SH3PXD2A: variants seen among roughly 807,000 people sequenced by gnomAD.
The protein encoded by SH3PXD2A is SH3 and PX domains 2A, also known as SH3 and PX domain-containing protein 2A.
Under a neutral mutation model 115.2 loss-of-function variants are expected in SH3PXD2A, and 32 were observed. That is an observed-to-expected ratio of 0.28 (90% CI 0.21 to 0.37). SH3PXD2A has a LOEUF of 0.37. Ranked by LOEUF, SH3PXD2A falls within the 10% of genes least tolerant of loss-of-function variation. The probability of loss-of-function intolerance (pLI) is 1.00; values close to 1 mark genes in which losing one functional copy is unlikely to be tolerated. For synonymous variants in SH3PXD2A, 610 were observed against 629.1 expected, an observed-to-expected ratio of 0.97 and a Z score of 0.45; for missense variants, 1,328 against 1,498.7, an observed-to-expected ratio of 0.89 and a Z score of 1.88.
chr10:103,808,909 G>T (rs1236272396), intron 1 of SH3PXD2A, among the ~76,000 whole-genome samples: 1 of 152,184 alleles, frequency 6.6e-6, no homozygotes, highest in African/African-American at 2.4e-5. Context: ...AAATTCACTG[G>T]CTCTGAAATG....
intron 1 of SH3PXD2A, among the ~76,000 whole-genome samples, chr10:103,846,632 C>T (rs188704319): frequency 6.6e-6 from 1 of 152,360 alleles, no homozygotes; most frequent in Non-Finnish European, 1.5e-5. Context: ...GTTATACCTG[C>T]CCTCCGCTCT....
intron 1 of SH3PXD2A, among the ~76,000 whole-genome samples, chr10:103,837,990 T>C (rs1237450287): frequency 2.0e-5 from 3 of 152,082 alleles, no homozygotes; most frequent in Non-Finnish European, 2.9e-5. Flanking sequence ...ACCGGATGCC[T>C]CATGGTGTCT....
At chr10:103,753,245 C>T (rs1416672263) in intron 3 of SH3PXD2A, among the ~76,000 whole-genome samples, 12 of 140,808 alleles carry the variant, frequency 8.5e-5, no homozygotes, top group Admixed American at 7.9e-4. Flanking sequence ...TCTGGGAGGC[C>T]AAGGTGGGCA....
Position 103,661,131 on chromosome 10 carries a change from G to A in SH3PXD2A, c.473-17C>T. 6.2e-7 allele frequency: 1 copy of A among 1,610,738 alleles called. No individual in the cohort carries two copies. Among genetic ancestry groups the A allele is most frequent in the South Asian group, 1.1e-5 (1 of 90,938 alleles). ...CGTCGGCACCTGGCGAGGGCAGAAA[G>A]CACGCGGTGAGCCAGCGGCCAGCCA... On this transcript the variant is annotated splice_polypyrimidine_tract_variant and intron_variant, in intron 7 of 14. Coordinates refer to ENST00000369774, the MANE Select transcript of SH3PXD2A (RefSeq NM_001394015.1).
At chr10:103,842,340 A>G (rs558635702) in intron 1 of SH3PXD2A, among the ~76,000 whole-genome samples, 1 of 152,342 alleles carries the variant, frequency 6.6e-6, no homozygotes, top group South Asian at 2.1e-4. Context: ...TACAATGTGT[A>G]ATAATCAAAT....
At chr10:103,779,748 G>C (rs1053317534) in intron 2 of SH3PXD2A, among the ~76,000 whole-genome samples, 2 of 152,194 alleles carry the variant, frequency 1.3e-5, no homozygotes, top group African/African-American at 2.4e-5. Flanking sequence ...AGAGAAGGAA[G>C]TCTGCCCAGA....
At chr10:103,655,186 C>T (rs1176271103) in intron 8 of SH3PXD2A, among the ~76,000 whole-genome samples, 2 of 152,334 alleles carry the variant, frequency 1.3e-5, no homozygotes, top group South Asian at 2.1e-4. Flanking sequence ...ATGGCTGGGA[C>T]AGGACCTCGT....
intron 1 of SH3PXD2A, among the ~76,000 whole-genome samples, chr10:103,805,433 G>T (rs534891760): frequency 5.3e-5 from 8 of 152,348 alleles, no homozygotes; most frequent in Admixed American, 2.0e-4. Context: ...AGGGCTGCCA[G>T]TACTGATGAA....
intron 10 of SH3PXD2A, among the ~76,000 whole-genome samples, chr10:103,619,358 C>T (rs947881047): frequency 2.0e-5 from 3 of 152,208 alleles, no homozygotes; most frequent in South Asian, 2.1e-4. Flanking sequence ...CGCCAGGCTC[C>T]GGGAATCCAG....
At position 103,665,132 on chromosome 10, in the gene SH3PXD2A, A is replaced by G. The variant is rs1176632569; in HGVS notation, c.472+3476T>C. ...TCATTGGTTTGTGGTGTCAATATGA[A>G]TACCTTGACTCTGATATGGGAATAT... On this transcript the variant is annotated intron_variant, in intron 7 of 14. Transcript: ENST00000369774. This position sits in a 1 kb window ranked among gnomAD's most constrained non-coding sequence, Gnocchi z 4.0. Among the ~76,000 whole-genome samples, 2 of 152,210 alleles carry G rather than the reference A, an allele frequency of 1.3e-5. No homozygotes were observed. Among genetic ancestry groups the G allele is most frequent in the African/African-American group, 4.8e-5 (2 of 41,454 alleles).
intron 1 of SH3PXD2A, among the ~76,000 whole-genome samples, chr10:103,821,135 G>A (rs1440474329): frequency 3.5e-5 from 5 of 142,094 alleles, no homozygotes; most frequent in East Asian, 2.1e-4. Context: ...ATGTATGGTC[G>A]TTCATTCTTT....
chr10:103,806,074 T>C (rs2039199026), intron 1 of SH3PXD2A, among the ~76,000 whole-genome samples: 1 of 152,180 alleles, frequency 6.6e-6, no homozygotes. Context: ...CAAAGGATTG[T>C]TCCTGCTAAC....
At chr10:103,607,452 C>T (rs901555961) in intron 13 of SH3PXD2A, among the ~76,000 whole-genome samples, 6 of 151,418 alleles carry the variant, frequency 4.0e-5, no homozygotes, top group Non-Finnish European at 5.9e-5. Context: ...AGGTGAGGGG[C>T]GCCTCTGCCC....
chr10:103,820,501 C>T (rs1276991584), intron 1 of SH3PXD2A, among the ~76,000 whole-genome samples: 1 of 152,214 alleles, frequency 6.6e-6, no homozygotes, highest in East Asian at 1.9e-4. Context: ...AGGAGAAACA[C>T]ACAGCCAGCC....
intron 6 of SH3PXD2A, among the ~76,000 whole-genome samples, chr10:103,672,672 T>C (rs1006287957): frequency 4.6e-5 from 7 of 152,150 alleles, no homozygotes; most frequent in African/African-American, 1.7e-4. Context: ...CCTTCTTCTG[T>C]AAACGGGGAA....
Position 103,736,748 on chromosome 10 carries a change from G to A in SH3PXD2A, c.230-940C>T, listed in dbSNP as rs781279226. 35 of 1,287,600 alleles carry A rather than the reference G, an allele frequency of 2.7e-5. No homozygotes were observed. In the Admixed American group the frequency reaches 2.8e-4, roughly 10 times the overall value. 79.8% of individuals were successfully genotyped at this position (1,287,600 alleles called of 1,614,324 possible). On this transcript the variant is annotated intron_variant, in intron 3 of 14. Coordinates refer to ENST00000369774, the MANE Select transcript of SH3PXD2A (RefSeq NM_001394015.1). ...TATAGCACTTGTGACCCATTTTGGG[G>A]CCCATGAGCTTGGCACATGATGAAG...
chr10:103,786,694 A>G (rs1026148318), intron 2 of SH3PXD2A, among the ~76,000 whole-genome samples: 4 of 152,158 alleles, frequency 2.6e-5, no homozygotes, highest in African/African-American at 7.2e-5. Context: ...ATAAATTTTG[A>G]AAAATGGGGG....
At chr10:103,738,694 G>C (rs1465435018) in intron 3 of SH3PXD2A, among the ~76,000 whole-genome samples, 6 of 152,168 alleles carry the variant, frequency 3.9e-5, no homozygotes. Flanking sequence ...CAGGGAGATG[G>C]GAAGATAAAT....
chr10:103,639,540 G>A (rs1240164074), intron 8 of SH3PXD2A, among the ~76,000 whole-genome samples: 6 of 149,262 alleles, frequency 4.0e-5, no homozygotes, highest in African/African-American at 1.5e-4. Flanking sequence ...AACCTGGGAA[G>A]CGGAGGTTGC....
Sources: allele counts gnomAD v4.1 joint callset (sites outside exome capture counted in the v4.1 genomes callset), GRCh38; gene constraint gnomAD v4.1.1; non-coding constraint Gnocchi (gnomAD v3.1); transcripts MANE v1.5; gene names NCBI Gene and HGNC (gene_info 2026-07-23, HGNC 2026-07-21).